The following PEAK1 variants were observed in gnomAD, a reference collection of about 807,000 sequenced individuals.
The protein encoded by PEAK1 is pseudopodium enriched atypical kinase 1.
PEAK1 carries 54 observed loss-of-function variants against 124.7 expected under a neutral mutation model. The ratio of observed to expected loss-of-function variants is 0.43; its 90% CI spans 0.35 to 0.54. PEAK1 has a LOEUF of 0.54. PEAK1 is among the 20% of genes least tolerant of loss of function. PEAK1 has a pLI of 0.01. For missense variants in PEAK1, 2,046 were observed against 2,134.5 expected (o/e 0.96, Z 0.82); for synonymous variants, 719 against 760.0 (o/e 0.95, Z 0.89).
chr15:77,403,750 C>G (rs371516416), intron 1 of PEAK1: 1 of 965,006 alleles, frequency 1.0e-6, no homozygotes, highest in East Asian at 1.1e-4. Flanking sequence ...CAAAATAAAG[C>G]GTAAGATGTT....
intron 1 of PEAK1, among the ~76,000 whole-genome samples, chr15:77,372,576 C>T (rs2068719537): frequency 6.6e-6 from 1 of 152,158 alleles, no homozygotes; most frequent in African/African-American, 2.4e-5. Context: ...TAGCCCTGAA[C>T]TATAACAAAT....
chr15:77,402,168 GAA>G (rs34571341), intron 1 of PEAK1: 76 of 862,994 alleles, frequency 8.8e-5, no homozygotes, highest in South Asian at 1.1e-4. Flanking sequence ...CTCCACCTCG[GAA>G]AAAAAAAAAA....
chr15:77,368,046 T>C (rs534256466), intron 1 of PEAK1, among the ~76,000 whole-genome samples: 1 of 152,340 alleles, frequency 6.6e-6, no homozygotes, highest in African/African-American at 2.4e-5. Context: ...GATTCATGAT[T>C]ATCTGTTTAC....
chr15:77,389,587 A>G (rs560226880), intron 1 of PEAK1, among the ~76,000 whole-genome samples: 1 of 152,344 alleles, frequency 6.6e-6, no homozygotes, highest in East Asian at 1.9e-4. Context: ...AGGCCATTTC[A>G]GAACTTAGCT....
chr15:77,347,987 G>A, intron 2 of PEAK1: 1 of 985,024 alleles, frequency 1.0e-6, no homozygotes, highest in Non-Finnish European at 1.2e-6. Context: ...ATGCTAACAA[G>A]ACATTTTGTA....
At chr15:77,390,610 T>C (rs1458065344) in intron 1 of PEAK1, among the ~76,000 whole-genome samples, 4 of 152,236 alleles carry the variant, frequency 2.6e-5, no homozygotes, top group Non-Finnish European at 5.9e-5. Flanking sequence ...GTATGAATTT[T>C]ATCTGTATCA....
At chr15:77,158,849 G>C (rs1169210520) in intron 7 of PEAK1, 153 bp from the exon 8 acceptor site, 1 of 269,572 alleles carries the variant, frequency 3.7e-6, no homozygotes, top group African/African-American at 2.3e-5. Flanking sequence ...CATTTAGGCA[G>C]ATACTTCTAT....
chr15:77,143,208 C>T (rs929048277), intron 8 of PEAK1, among the ~76,000 whole-genome samples: 6 of 152,142 alleles, frequency 3.9e-5, no homozygotes, highest in African/African-American at 1.4e-4. Context: ...TACAAGACAA[C>T]AGAAGTATGC....
chr15:77,314,865 A>G (rs189149714), intron 2 of PEAK1, among the ~76,000 whole-genome samples: 1 of 152,232 alleles, frequency 6.6e-6, no homozygotes, highest in East Asian at 1.9e-4. Flanking sequence ...AAATAGTAAT[A>G]CCTGACGACC....
At chr15:77,163,183 A>G (rs902068939) in intron 7 of PEAK1, among the ~76,000 whole-genome samples, 23 of 152,200 alleles carry the variant, frequency 1.5e-4, no homozygotes, top group African/African-American at 5.5e-4. Context: ...AGAAGACAAC[A>G]TATGTGTGAC....
chr15:77,206,492 T>G (rs1369609542), intron 6 of PEAK1, among the ~76,000 whole-genome samples: 1 of 149,608 alleles, frequency 6.7e-6, no homozygotes, highest in Non-Finnish European at 1.5e-5. Context: ...GCACCTGTTG[T>G]TTCCTGACTT....
chr15:77,381,167 T>C (rs949916347), intron 1 of PEAK1: 1 of 946,548 alleles, frequency 1.1e-6, no homozygotes, highest in Non-Finnish European at 1.3e-6. Context: ...TGTTTTAAGA[T>C]TAATAACCTA....
intron 5 of PEAK1, among the ~76,000 whole-genome samples, chr15:77,283,574 G>A (rs2062778248): frequency 6.6e-6 from 1 of 151,688 alleles, no homozygotes; most frequent in Non-Finnish European, 1.5e-5. Context: ...CTACAAAGTG[G>A]AAATAAAAAA....
chr15:77,419,093 C>T (rs1049911727), intron 1 of PEAK1: 2 of 985,316 alleles, frequency 2.0e-6, no homozygotes, highest in African/African-American at 1.7e-5. Context: ...TCACTACCCC[C>T]TCAACGTCAG....
At chr15:77,373,796 A>T (rs2068811840) in intron 1 of PEAK1, among the ~76,000 whole-genome samples, 1 of 152,196 alleles carries the variant, frequency 6.6e-6, no homozygotes, top group Non-Finnish European at 1.5e-5. Flanking sequence ...CAGGCTTCTA[A>T]TTCTTTGGCA....
At chr15:77,119,314 C>T (rs2051697480) in intron 9 of PEAK1, among the ~76,000 whole-genome samples, 1 of 152,224 alleles carries the variant, frequency 6.6e-6, no homozygotes, top group Non-Finnish European at 1.5e-5. Flanking sequence ...TATGCACCAA[C>T]ATGAATAACC....
At chr15:77,355,468 C>A (rs2067462335) in intron 2 of PEAK1, among the ~76,000 whole-genome samples, 3 of 152,192 alleles carry the variant, frequency 2.0e-5, no homozygotes, top group Admixed American at 2.0e-4. Context: ...AGAGGAGCGA[C>A]TTTAAGTCAG....
At chr15:77,170,796 A>G (rs1182376795) in intron 7 of PEAK1, among the ~76,000 whole-genome samples, 1 of 152,180 alleles carries the variant, frequency 6.6e-6, no homozygotes, top group African/African-American at 2.4e-5. Flanking sequence ...ACAACTACTC[A>G]GGGTAAGTCA....
At chr15:77,216,279 T>C (rs2059144488) in intron 6 of PEAK1, among the ~76,000 whole-genome samples, 1 of 152,224 alleles carries the variant, frequency 6.6e-6, no homozygotes, top group Admixed American at 6.5e-5. Flanking sequence ...GAAAAGTTCA[T>C]GGAAAATGTG....
Sources: allele counts gnomAD v4.1 joint callset (sites outside exome capture counted in the v4.1 genomes callset), GRCh38; gene constraint gnomAD v4.1.1; transcripts MANE v1.5; gene names NCBI Gene and HGNC (gene_info 2026-07-23, HGNC 2026-07-21).